The following CCBE1 variants were observed in gnomAD, a reference collection of about 807,000 sequenced individuals.
The protein encoded by CCBE1 is collagen and calcium binding EGF domains 1, also known as collagen and calcium-binding EGF domain-containing protein 1.
A neutral mutation model predicts 50.0 loss-of-function variants in CCBE1; 37 were observed. The ratio of observed to expected loss-of-function variants is 0.74; its 90% confidence interval spans 0.57 to 0.97. The LOEUF is 0.97. CCBE1 is among the 50% of genes least tolerant of loss of function. The pLI is 0.00. For synonymous variants in CCBE1, 234 were observed against 203.7 expected, an observed-to-expected ratio of 1.15 and a Z score of -1.27; for missense variants, 538 against 523.8, an observed-to-expected ratio of 1.03 and a Z score of -0.26.
intron 2 of CCBE1, among the ~76,000 whole-genome samples, chr18:59,505,467 T>C (rs1913827075): frequency 1.3e-5 from 2 of 152,200 alleles, no homozygotes; most frequent in Admixed American, 1.3e-4. Flanking sequence ...AATCAACCCA[T>C]ATGAATTCAG....
At chr18:59,523,855 G>A (rs750732030) in intron 2 of CCBE1, among the ~76,000 whole-genome samples, 35 of 152,274 alleles carry the variant, frequency 2.3e-4, no homozygotes, top group Admixed American at 1.1e-3. Context: ...GTGCAGCACA[G>A]CCTTCTGCAT....
chr18:59,690,984 G>A (rs1286465488), intron 2 of CCBE1, among the ~76,000 whole-genome samples: 1 of 152,218 alleles, frequency 6.6e-6, no homozygotes, highest in Non-Finnish European at 1.5e-5. Context: ...AAGTTAAGCG[G>A]ATCTAACTTG....
chr18:59,533,215 G>T (rs1276645288), intron 2 of CCBE1, among the ~76,000 whole-genome samples: 1 of 152,138 alleles, frequency 6.6e-6, no homozygotes, highest in Non-Finnish European at 1.5e-5. Flanking sequence ...AAAAGTTCAA[G>T]ACTTCATGTT....
At chr18:59,538,609 A>T (rs963306130) in intron 2 of CCBE1, among the ~76,000 whole-genome samples, 7 of 151,478 alleles carry the variant, frequency 4.6e-5, no homozygotes, top group African/African-American at 1.7e-4. Flanking sequence ...CATCCTGGGG[A>T]AAAAAAAATG....
chr18:59,509,143 T>C (rs1914019702), intron 2 of CCBE1, among the ~76,000 whole-genome samples: 1 of 152,170 alleles, frequency 6.6e-6, no homozygotes, highest in Admixed American at 6.5e-5. Context: ...TCTGTGGTCC[T>C]CAAACTCTAA....
chr18:59,643,611 A>G (rs1391974631), intron 2 of CCBE1, among the ~76,000 whole-genome samples: 1 of 152,338 alleles, frequency 6.6e-6, no homozygotes, highest in East Asian at 1.9e-4. Flanking sequence ...CCTGGCCAAC[A>G]TGGCAAAACC....
At chr18:59,655,984 G>A (rs1441526338) in intron 2 of CCBE1, among the ~76,000 whole-genome samples, 1 of 152,158 alleles carries the variant, frequency 6.6e-6, no homozygotes, top group Non-Finnish European at 1.5e-5. Flanking sequence ...GGTCCGGCTG[G>A]CAATTTCTTC....
At chr18:59,620,808 C>T (rs1287200665) in intron 2 of CCBE1, among the ~76,000 whole-genome samples, 1 of 152,190 alleles carries the variant, frequency 6.6e-6, no homozygotes. Context: ...GTCCATTAAA[C>T]CTCTTCTGTA....
chr18:59,525,825 T>C (rs1914796671), intron 2 of CCBE1, among the ~76,000 whole-genome samples: 1 of 150,770 alleles, frequency 6.6e-6, no homozygotes, highest in Non-Finnish European at 1.5e-5. Context: ...GCCAGTTCTC[T>C]GAACACCATT....
intron 2 of CCBE1, among the ~76,000 whole-genome samples, chr18:59,550,529 C>T (rs138465241): frequency 2.6e-5 from 4 of 152,284 alleles, no homozygotes; most frequent in Non-Finnish European, 5.9e-5. Flanking sequence ...CTTTTCCTTC[C>T]TCAAGTGGAC....
At chr18:59,508,711 C>CTTTTTTTTTTTTTTTTTTTTTTTTTT (rs55881131) in intron 2 of CCBE1, among the ~76,000 whole-genome samples, 6 of 95,690 alleles carry the variant, frequency 6.3e-5, no homozygotes, top group African/African-American at 2.7e-4. Flanking sequence ...TAGAGTTACG[C>CTTTTTTTTTTTTTTTTTTTTTTTTTT]TTTTTTTTTT....
chr18:59,537,368 C>G (rs1915291405), intron 2 of CCBE1, among the ~76,000 whole-genome samples: 1 of 152,118 alleles, frequency 6.6e-6, no homozygotes, highest in South Asian at 2.1e-4. Context: ...TCATAATTCC[C>G]ACGTGTTGTG....
intron 5 of CCBE1, among the ~76,000 whole-genome samples, chr18:59,456,242 A>G (rs549892525): frequency 6.6e-6 from 1 of 152,118 alleles, no homozygotes; most frequent in African/African-American, 2.4e-5. Context: ...TTGGTATCTC[A>G]CGTAATGGAT....
chr18:59,642,170 A>G (rs1486042674), intron 2 of CCBE1, among the ~76,000 whole-genome samples: 1 of 152,222 alleles, frequency 6.6e-6, no homozygotes. Context: ...TAAAAGAAAA[A>G]CAATCTGATA....
rs180964624 is a variant in CCBE1 at position 59,667,658 on chromosome 18, T to G, written c.212+28971A>C. Among the ~76,000 whole-genome samples the G allele has an allele frequency of 2.2e-4, 33 of 152,222 alleles. 1 individual carries two copies. In the East Asian group the frequency reaches 5.4e-3, roughly 25 times the overall value. On this transcript the variant is annotated intron_variant, in intron 2 of 10. Transcript: ENST00000439986. ...AGGAAATACACCAGCCTCTCTCCCC[T>G]CATCCCCTGATCAGCTGCTGGGTGT...
intron 2 of CCBE1, among the ~76,000 whole-genome samples, chr18:59,563,464 G>T (rs1475710035): frequency 6.6e-6 from 1 of 152,098 alleles, no homozygotes; most frequent in Non-Finnish European, 1.5e-5. Context: ...ATTTTTTTCT[G>T]TGAATCAGGA....
intron 2 of CCBE1, among the ~76,000 whole-genome samples, chr18:59,601,023 T>G (rs1463528217): frequency 5.0e-5 from 4 of 80,290 alleles, no homozygotes; most frequent in African/African-American, 3.5e-4. Flanking sequence ...TTTTTTTTTT[T>G]TTTTTTTTTT....
At position 59,551,019 on chromosome 18, in the gene CCBE1, A is replaced by AG. The variant is rs1488177629; in HGVS notation, c.213-70782_213-70781insC. On this transcript the variant is annotated intron_variant, in intron 2 of 10. Transcript: ENST00000439986. ...GACTCAAAAAAAAAAAAAAAAAAAA[A>AG]AAAAAAAAAAGAAAAGAAAAGAAAA... Among the ~76,000 whole-genome samples the AG allele has an allele frequency of 1.4e-3, 199 of 137,754 alleles. 2 individuals are homozygous for AG. The highest frequency in any genetic ancestry group is 5.0e-3 in the African/African-American group (188 of 37,408). 90.4% of individuals were successfully genotyped at this position (137,754 alleles called of 152,430 possible). A position where few individuals can be genotyped will look rare whatever the true frequency, so the allele number is the denominator to read the frequency against.
At position 59,639,871 on chromosome 18, in the gene CCBE1, T is replaced by C. The variant is rs572122183; in HGVS notation, c.212+56758A>G. On this transcript the variant is annotated intron_variant, in intron 2 of 10. Transcript: ENST00000439986. ...CAACATCCAAAGCCAAGGGGCCAAA[T>C]AAAGAATACAATCCATTCAAAATAG... Among the ~76,000 whole-genome samples, 166 of 152,072 alleles carry C rather than the reference T, an allele frequency of 1.1e-3. 1 individual carries two copies. The highest frequency in any genetic ancestry group is 3.8e-3 in the African/African-American group (156 of 41,480).
Sources: allele counts gnomAD v4.1 joint callset (sites outside exome capture counted in the v4.1 genomes callset), GRCh38; gene constraint gnomAD v4.1.1; transcripts MANE v1.5; gene names NCBI Gene and HGNC (gene_info 2026-07-23, HGNC 2026-07-21).